SERPINF2: variants seen among roughly 807,000 people sequenced by gnomAD.
The protein encoded by SERPINF2 is serpin family F member 2, also known as alpha-2-antiplasmin.
Under a neutral mutation model 45.0 loss-of-function variants are expected in SERPINF2, and 15 were observed. That is an observed-to-expected ratio of 0.33 (90% CI 0.22 to 0.51). SERPINF2 has a LOEUF of 0.51. Ranked by LOEUF, SERPINF2 falls within the 20% of genes least tolerant of loss-of-function variation. SERPINF2 has a pLI of 0.97. For synonymous variants in SERPINF2, 283 were observed against 277.9 expected, an observed-to-expected ratio of 1.02 and a Z score of -0.18; for missense variants, 518 against 637.4, an observed-to-expected ratio of 0.81 and a Z score of 2.02.
At chr17:1,746,308 T>G (rs1905821680) in intron 5 of SERPINF2, among the ~76,000 whole-genome samples, 1 of 151,720 alleles carries the variant, frequency 6.6e-6, no homozygotes. Flanking sequence ...CAGAGCAAGA[T>G]TCCGTCTCAA....
intron 7 of SERPINF2, 119 bp from the exon 8 acceptor site, chr17:1,748,479 G>A (rs928202603): frequency 1.4e-4 from 180 of 1,306,230 alleles, no homozygotes; most frequent in Non-Finnish European, 1.8e-4. Flanking sequence ...TGGATTCTGG[G>A]TGGGACAGGC....
Position 1,745,914 on chromosome 17 carries a change from C to T in SERPINF2, c.367+5C>T. On this transcript the variant is annotated splice_donor_5th_base_variant and intron_variant, in intron 5 of 9. Coordinates refer to ENST00000453066, the MANE Select transcript of SERPINF2 (RefSeq NM_000934.4). This position sits in a 1 kb window ranked among gnomAD's most constrained non-coding sequence, Gnocchi z 6.2. Reference sequence around the variant, plus strand: ...CGCTGTCTCACCTGGCACTAGGTACCCTGGCACCACTTGTCCAGACCAAGA... The same window carrying T: ...CGCTGTCTCACCTGGCACTAGGTACTCTGGCACCACTTGTCCAGACCAAGA... The T allele has an allele frequency of 6.2e-7, 1 of 1,613,208 alleles. No homozygotes were observed. Among genetic ancestry groups the T allele is most frequent in the Non-Finnish European group, 8.5e-7 (1 of 1,179,812 alleles).
At chr17:1,746,691 T>C (rs1482272409) in intron 5 of SERPINF2, among the ~76,000 whole-genome samples, 1 of 152,038 alleles carries the variant, frequency 6.6e-6, no homozygotes, top group Non-Finnish European at 1.5e-5. Context: ...CCTCCCAAAG[T>C]GCTGGGATTA....
chr17:1,744,985 G>C lies in SERPINF2; in HGVS notation c.-4-7G>C, dbSNP rs1470257773. 1 of 1,613,780 alleles carries C rather than the reference G, an allele frequency of 6.2e-7. No homozygotes were observed. Among genetic ancestry groups the C allele is most frequent in the Non-Finnish European group, 8.5e-7 (1 of 1,180,026 alleles). On this transcript the variant is annotated splice_polypyrimidine_tract_variant and splice_region_variant and intron_variant, in intron 1 of 9. Transcript: ENST00000453066. The stretch of plus-strand genomic sequence containing the variant: ...GATGGGAACAGAGCTTTCTGTCCCT[G>C]CCACAGGAACATGGCGCTGCTCTGG...
At position 1,754,729 on chromosome 17, in the gene SERPINF2, G is replaced by A. The variant is rs1906712690; in HGVS notation, c.*195G>A. The A allele has an allele frequency of 4.5e-6, 3 of 660,928 alleles. No homozygotes were observed. Among genetic ancestry groups the A allele is most frequent in the African/African-American group, 1.8e-5 (1 of 54,594 alleles). The allele number at this position is 660,928 out of a possible 1,614,324, so 40.9% of individuals were successfully genotyped here. A position where few individuals can be genotyped will look rare whatever the true frequency, so the allele number is the denominator to read the frequency against. ...GGAGGAGGGCAGGCATCGGGGAGCC[G>A]GGAGCCTGACCCTCATCTTTCTTCC... is the stretch of plus-strand genomic sequence containing the variant. On this transcript the variant is annotated 3_prime_UTR_variant, in exon 10 of 10. Coordinates refer to ENST00000453066, the MANE Select transcript of SERPINF2 (RefSeq NM_000934.4).
rs557215655 is a variant in SERPINF2 at position 1,752,351 on chromosome 17, C to T, written c.859-235C>T. ...GATTACAGGCGTGAGCCCCCATGCC[C>T]GGCCACACTGCTAGAAACTTTAAAA... On this transcript the variant is annotated intron_variant, in intron 8 of 9. Coordinates refer to ENST00000453066, the MANE Select transcript of SERPINF2 (RefSeq NM_000934.4). Among the ~76,000 whole-genome samples the T allele has an allele frequency of 8.5e-5, 13 of 152,242 alleles. No individual in the cohort carries two copies. The East Asian group carries it at 1.4e-3, about 16-fold the overall frequency.
intron 5 of SERPINF2, among the ~76,000 whole-genome samples, chr17:1,746,345 C>T (rs940751663): frequency 1.3e-5 from 2 of 151,980 alleles, no homozygotes; most frequent in African/African-American, 4.8e-5. Context: ...ATGCAGATTC[C>T]TGGGCCCCCA....
chr17:1,745,123 A>G lies in SERPINF2; in HGVS notation c.64-52A>G. ...GGGAAGAAGAGGGGCGTTGGCATGG[A>G]GGGAGGGCTTGGCTCCGAGGGGACC... On this transcript the variant is annotated intron_variant, in intron 2 of 9. Coordinates refer to ENST00000453066, the MANE Select transcript of SERPINF2 (RefSeq NM_000934.4). The surrounding 1 kb of genome is among the most constrained non-coding windows in gnomAD (Gnocchi z 6.2). 6.2e-7 allele frequency: 1 copy of G among 1,601,954 alleles called. No individual in the cohort carries two copies. Among genetic ancestry groups the G allele is most frequent in the Non-Finnish European group, 8.5e-7 (1 of 1,175,076 alleles).
chr17:1,749,070 G>C (rs1424110006), intron 8 of SERPINF2, among the ~76,000 whole-genome samples: 1 of 152,258 alleles, frequency 6.6e-6, no homozygotes, highest in Non-Finnish European at 1.5e-5. Flanking sequence ...CAGTGCAACA[G>C]TGAATGGACA....
intron 1 of SERPINF2, among the ~76,000 whole-genome samples, chr17:1,743,885 G>A (rs980283982): frequency 4.6e-5 from 7 of 151,752 alleles, no homozygotes; most frequent in Admixed American, 2.0e-4. Context: ...TGTACTCAGG[G>A]TTTACAAAGA....
intron 8 of SERPINF2, among the ~76,000 whole-genome samples, chr17:1,749,121 G>A (rs925176993): frequency 6.6e-6 from 1 of 152,180 alleles, no homozygotes; most frequent in Admixed American, 6.5e-5. Context: ...GCTGTGGAGG[G>A]AAAGCTGAAA....
chr17:1,746,102 G>A (rs987403052), intron 5 of SERPINF2, among the ~76,000 whole-genome samples, 193 bp downstream of exon 5: 1 of 152,106 alleles, frequency 6.6e-6, no homozygotes, highest in African/African-American at 2.4e-5. Context: ...GGTGGATCAC[G>A]AGGTCAGGAG....
intron 9 of SERPINF2, among the ~76,000 whole-genome samples, chr17:1,753,413 A>T (rs557562924): frequency 6.6e-6 from 1 of 152,294 alleles, no homozygotes; most frequent in African/African-American, 2.4e-5. Flanking sequence ...AAGGCCGGGC[A>T]TGGTGGCTCA....
At chr17:1,752,436 T>A (rs2151196438) in intron 8 of SERPINF2, 150 bp from the exon 9 acceptor site, 1 of 734,522 alleles carries the variant, frequency 1.4e-6, no homozygotes. Context: ...TCCACCCCAC[T>A]GTGAGGAAGT....
At chr17:1,748,840 C>T (rs1293073931) in intron 8 of SERPINF2, 100 bp downstream of exon 8, 35 of 784,580 alleles carry the variant, frequency 4.5e-5, no homozygotes, top group Admixed American at 1.0e-4. Context: ...GAGGCTGTCT[C>T]GCCTTCCTTG....
rs185854448 is a variant in SERPINF2, at chr17:1,743,210, C to T, written c.-5+302C>T. On this transcript the variant is annotated intron_variant, in intron 1 of 9. Transcript: ENST00000453066. ...GTAGCTGAGACCTGCTCTGACTTATCCTCCTGAGACCAACACCTGCCCTTC... is the reference window on the plus strand; with the variant it reads ...GTAGCTGAGACCTGCTCTGACTTATTCTCCTGAGACCAACACCTGCCCTTC... 4.7e-4 allele frequency: 284 copies of T among 607,072 alleles called. 1 individual carries two copies. Among genetic ancestry groups the T allele is most frequent in the Non-Finnish European group, 5.7e-4 (277 of 484,246 alleles). The allele number at this position is 607,072 out of a possible 1,614,324, so 37.6% of individuals were successfully genotyped here.
chr17:1,744,943 C>A (rs373572476), intron 1 of SERPINF2, 49 bp from the exon 2 acceptor site: 6 of 1,611,702 alleles, frequency 3.7e-6, no homozygotes, highest in Non-Finnish European at 5.1e-6. Context: ...GATTCCCTGG[C>A]GGGCGTGGGG....
In SERPINF2 at chr17:1,745,987, G is replaced by A. The variant is rs193054731; in HGVS notation, c.367+78G>A. On this transcript the variant is annotated intron_variant, in intron 5 of 9. Transcript: ENST00000453066. The surrounding 1 kb of genome is among the most constrained non-coding windows in gnomAD (Gnocchi z 6.2). ...TCAGTACTCCAATGGTTCTCCGCGG[G>A]CGGTTCCTCCACCAGGGTCACGTGG... is the stretch of plus-strand genomic sequence containing the variant. 4.1e-4 allele frequency: 618 copies of A among 1,506,092 alleles called. 3 individuals carry two copies. The African/African-American group carries it at 7.5e-3, about 18-fold the overall frequency. The allele number at this position is 1,506,092 out of a possible 1,614,324, so 93.3% of individuals were successfully genotyped here. A position where few individuals can be genotyped will look rare whatever the true frequency, so the allele number is the denominator to read the frequency against.
Position 1,754,233 on chromosome 17 carries a change from A to G in SERPINF2, c.1175A>G (p.Glu392Gly), listed in dbSNP as rs773221674. 6.2e-7 allele frequency: 1 copy of G among 1,613,874 alleles called. No homozygotes were observed. The highest frequency in any genetic ancestry group is 8.5e-7 in the Non-Finnish European group (1 of 1,180,046). Residue 392 changes from glutamate to glycine, a missense_variant, in exon 10 of 10, where the codon GAG becomes GGG. Glu to Gly is a moderately conservative substitution (Grantham distance 98, BLOSUM62 -2). Around this residue, in one of 2 missense-constraint regions of SERPINF2, gnomAD observed 435 missense variants for 577.3 expected, o/e 0.75. Transcript: ENST00000453066. The stretch of plus-strand genomic sequence containing the variant: ...CTGGAGCTCAGCGAGGTCGGCGTGG[A>G]GGCGGCGGCGGCCACCAGCATTGCC... ...STLELSEVGV[E>G]AAAATSIAMS...
Sources: allele counts gnomAD v4.1 joint callset (sites outside exome capture counted in the v4.1 genomes callset), GRCh38; gene constraint gnomAD v4.1.1; regional missense constraint gnomAD v4.1.1; non-coding constraint Gnocchi (gnomAD v3.1); transcripts MANE v1.5; gene names NCBI Gene and HGNC (gene_info 2026-07-23, HGNC 2026-07-21).